The following DCC variants were observed in gnomAD, a reference collection of about 807,000 sequenced individuals.
DCC encodes DCC netrin 1 receptor.
Under a neutral mutation model 172.5 loss-of-function variants are expected in DCC, and 58 were observed. That is an observed-to-expected ratio of 0.34 (90% CI 0.27 to 0.42). The LOEUF (loss-of-function observed/expected upper bound fraction) is 0.42, where lower values mean the gene tolerates loss of function less well. DCC is among the 10% of genes least tolerant of loss of function. The pLI is 1.00. For synonymous variants in DCC, 709 were observed against 644.5 expected (o/e 1.10, Z -1.52); for missense variants, 1,740 against 1,791.0 (o/e 0.97, Z 0.51).
chr18:53,476,062 C>A (rs961425606), intron 25 of DCC, among the ~76,000 whole-genome samples: 2 of 152,104 alleles, frequency 1.3e-5, no homozygotes, highest in Admixed American at 1.3e-4. Flanking sequence ...CGCCTGTAGC[C>A]CCTTTGTTTT....
rs16954942 is a variant in DCC, at chr18:52,421,429, C to T, written c.91+80551C>T. On this transcript the variant is annotated intron_variant, in intron 1 of 28. Transcript: ENST00000442544. ...TTGCAGTGCCCTTCCTTTAGAAGTC[C>T]CTTATTCAAATGTGAGAACAGCAGA... is the stretch of plus-strand genomic sequence containing the variant. Among the ~76,000 whole-genome samples the T allele has an allele frequency of 8.6e-3, 1,311 of 152,230 alleles. 14 individuals are homozygous for T. Among genetic ancestry groups the T allele is most frequent in the African/African-American group, 0.029 (1,223 of 41,554 alleles).
intron 2 of DCC, among the ~76,000 whole-genome samples, chr18:52,898,058 G>A (rs557227906): frequency 1.3e-5 from 2 of 152,270 alleles, no homozygotes; most frequent in Admixed American, 1.3e-4. Context: ...GGGCAAAGGA[G>A]GTCTGGCTTT....
intron 1 of DCC, among the ~76,000 whole-genome samples, chr18:52,585,772 G>A (rs116105011): frequency 0.01 from 1,561 of 152,208 alleles, 27 homozygotes; most frequent in African/African-American, 0.035. Context: ...ACCAGCATTA[G>A]GGTGGTTAAA....
chr18:53,244,099 G>A (rs187913349), intron 12 of DCC, among the ~76,000 whole-genome samples: 10 of 152,160 alleles, frequency 6.6e-5, no homozygotes, highest in Admixed American at 3.3e-4. Flanking sequence ...CAGATGTGAC[G>A]GATTTTTCAA....
Position 53,176,400 on chromosome 18 carries a change from A to C in DCC, c.1419-2562A>C, listed in dbSNP as rs1472053796. ...ATCAGAGTGAACAGGCAACCTACAAAATGGGAGAAAATTTTCACAACCTAC... is the reference window on the plus strand; with the variant it reads ...ATCAGAGTGAACAGGCAACCTACAACATGGGAGAAAATTTTCACAACCTAC... On this transcript the variant is annotated intron_variant, in intron 8 of 28. Transcript: ENST00000442544. Among the ~76,000 whole-genome samples the C allele has an allele frequency of 9.6e-5, 14 of 145,392 alleles. No individual in the cohort carries two copies. In the East Asian group the frequency reaches 2.4e-3, roughly 25 times the overall value.
chr18:53,044,130 T>G (rs2144010119), intron 5 of DCC, among the ~76,000 whole-genome samples: 1 of 151,982 alleles, frequency 6.6e-6, no homozygotes, highest in Non-Finnish European at 1.5e-5. Context: ...ATCTTCTCCT[T>G]TCAAAGGGAC....
At chr18:53,390,266 C>CCT (rs34412320) in intron 16 of DCC, among the ~76,000 whole-genome samples, 61,223 of 140,202 alleles carry the variant, frequency 0.44, 14,091 homozygotes, top group Non-Finnish European at 0.57. Context: ...TCTCTCTCTC[C>CCT]TTTTATTTTT....
At chr18:53,378,594 T>G (rs1283291976) in intron 15 of DCC, among the ~76,000 whole-genome samples, 1 of 152,252 alleles carries the variant, frequency 6.6e-6, no homozygotes, top group East Asian at 1.9e-4. Flanking sequence ...CTATTCAACC[T>G]TCAGTAAATA....
At chr18:52,530,289 G>C (rs2032110373) in intron 1 of DCC, among the ~76,000 whole-genome samples, 1 of 152,078 alleles carries the variant, frequency 6.6e-6, no homozygotes, top group East Asian at 1.9e-4. Flanking sequence ...TTTGGATGTG[G>C]AGCTGTATGA....
At chr18:53,064,783 A>G (rs2042543534) in intron 6 of DCC, among the ~76,000 whole-genome samples, 1 of 152,184 alleles carries the variant, frequency 6.6e-6, no homozygotes, top group Admixed American at 6.6e-5. Context: ...TTTAAAGGCG[A>G]TGTTATTTCC....
intron 24 of DCC, among the ~76,000 whole-genome samples, chr18:53,467,320 C>T (rs2045634039): frequency 6.6e-6 from 1 of 151,910 alleles, no homozygotes; most frequent in Non-Finnish European, 1.5e-5. Flanking sequence ...TCCATTTTTT[C>T]TAATTTTTAG....
intron 2 of DCC, among the ~76,000 whole-genome samples, chr18:52,769,598 T>A (rs778023134): frequency 3.3e-5 from 5 of 152,206 alleles, no homozygotes; most frequent in Non-Finnish European, 7.3e-5. Context: ...CTATCAATTA[T>A]TTCTTTCAAG....
intron 7 of DCC, among the ~76,000 whole-genome samples, chr18:53,088,755 G>T (rs1254189296): frequency 6.6e-6 from 1 of 152,070 alleles, no homozygotes; most frequent in Non-Finnish European, 1.5e-5. Flanking sequence ...GCTACCTGGA[G>T]TTTCTCCATA....
At chr18:52,649,977 T>G (rs1021140327) in intron 1 of DCC, among the ~76,000 whole-genome samples, 16 of 128,070 alleles carry the variant, frequency 1.2e-4, no homozygotes, top group Non-Finnish European at 2.3e-4. Flanking sequence ...AGTTCTATTT[T>G]TTTTTTTTTT....
intron 23 of DCC, among the ~76,000 whole-genome samples, chr18:53,457,220 C>T (rs931117012): frequency 3.3e-5 from 5 of 152,082 alleles, no homozygotes; most frequent in African/African-American, 1.2e-4. Context: ...GATTATGAAT[C>T]ACAACATACA....
intron 1 of DCC, among the ~76,000 whole-genome samples, chr18:52,518,447 G>C (rs919511916): frequency 6.6e-6 from 1 of 152,206 alleles, no homozygotes; most frequent in African/African-American, 2.4e-5. Flanking sequence ...GGCTTGGGTT[G>C]AACGGATTAG....
At chr18:53,117,802 T>C (rs2043428755) in intron 7 of DCC, among the ~76,000 whole-genome samples, 1 of 151,752 alleles carries the variant, frequency 6.6e-6, no homozygotes, top group Non-Finnish European at 1.5e-5. Flanking sequence ...CATGTAAATA[T>C]ATAGACATGC....
chr18:53,249,770 A>C (rs1371896162), intron 12 of DCC, among the ~76,000 whole-genome samples: 3 of 151,996 alleles, frequency 2.0e-5, no homozygotes, highest in Non-Finnish European at 4.4e-5. Flanking sequence ...GCCAAAATGC[A>C]ACCATGTGGT....
chr18:52,511,530 A>G (rs775736931), intron 1 of DCC, among the ~76,000 whole-genome samples: 40 of 152,132 alleles, frequency 2.6e-4, no homozygotes, highest in Non-Finnish European at 4.1e-4. Flanking sequence ...GGCAATTTCT[A>G]CAGATATTTT....
Sources: allele counts gnomAD v4.1 joint callset (sites outside exome capture counted in the v4.1 genomes callset), GRCh38; gene constraint gnomAD v4.1.1; transcripts MANE v1.5; gene names NCBI Gene and HGNC (gene_info 2026-07-23, HGNC 2026-07-21).